Variants in SIGLEC10 observed in about 807,000 individuals in gnomAD.
SIGLEC10 encodes sialic acid binding Ig like lectin 10, also known as sialic acid-binding Ig-like lectin 10.
A neutral mutation model predicts 68.3 loss-of-function variants in SIGLEC10; 45 were observed. The observed-to-expected ratio is 0.66, with a 90% confidence interval of 0.52 to 0.84. The LOEUF (loss-of-function observed/expected upper bound fraction) is 0.84. SIGLEC10 is among the 40% of genes least tolerant of loss of function. The probability of loss-of-function intolerance (pLI) is 0.00; values close to 1 mark genes in which losing one functional copy is unlikely to be tolerated. For missense variants in SIGLEC10, 789 were observed against 883.1 expected (o/e 0.89, Z 1.35); for synonymous variants, 379 against 370.8 (o/e 1.02, Z -0.26).
chr19:51,413,281 G>A (rs1988186596), intron 10 of SIGLEC10, among the ~76,000 whole-genome samples: 7 of 152,158 alleles, frequency 4.6e-5, no homozygotes. Flanking sequence ...GAGGCACAGA[G>A]AAGTTAAGAC....
At position 51,414,832 on chromosome 19, in the gene SIGLEC10, T is replaced by G; in HGVS notation, c.1607A>C (p.Gln536Pro). 6.2e-7 allele frequency: 1 copy of G among 1,613,764 alleles called. No individual in the cohort carries two copies. The highest frequency in any genetic ancestry group is 8.5e-7 in the Non-Finnish European group (1 of 1,179,886). The part of the protein sequence containing the change: ...VHGAQSGSIL[Q>P]LPDKKGLIST... ...CCAGGCGGCCCCCTAACCTGGCAGCTGCAGGATGGATCCACTCTGGGCCCC... is the reference window on the plus strand; with the variant it reads ...CCAGGCGGCCCCCTAACCTGGCAGCGGCAGGATGGATCCACTCTGGGCCCC... Residue 536 changes from glutamine to proline, a missense_variant, in exon 8 of 11, where the codon CAG (glutamine) becomes CCG (proline). Gln to Pro is a moderately conservative substitution (Grantham distance 76). Transcript: ENST00000339313. The surrounding 1 kb of genome is among the most constrained non-coding windows in gnomAD (Gnocchi z 4.1).
In SIGLEC10 at chr19:51,414,024, A is replaced by G. The variant is rs1988268295; in HGVS notation, c.1710-201T>C. On this transcript the variant is annotated intron_variant, in intron 9 of 10. Coordinates refer to ENST00000339313, the MANE Select transcript of SIGLEC10 (RefSeq NM_033130.5). This position sits in a 1 kb window ranked among gnomAD's most constrained non-coding sequence, Gnocchi z 4.1. ...TATTTTAAAGGAAGGGGTCAGGGGA[A>G]GAAGAAGAGGGTTCCCTGCTACTAG... Among the ~76,000 whole-genome samples, 1 of 152,212 alleles carries G rather than the reference A, an allele frequency of 6.6e-6. No homozygotes were observed. Among genetic ancestry groups the G allele is most frequent in the Admixed American group, 6.5e-5 (1 of 15,282 alleles).
chr19:51,410,355 C>T lies in SIGLEC10; in HGVS notation c.*744G>A, dbSNP rs1987895710. ...TCAGCAAAGTCTTTATGACCTGTAT[C>T]TTGTACGGACCTCCTGTCTCATCCT... On this transcript the variant is annotated 3_prime_UTR_variant, in exon 11 of 11. Transcript: ENST00000339313. The T allele has an allele frequency of 6.6e-6, 1 of 152,336 alleles. No homozygotes were observed. Among genetic ancestry groups the T allele is most frequent in the East Asian group, 1.9e-4 (1 of 5,178 alleles). 9.4% of individuals were successfully genotyped at this position (152,336 alleles called of 1,614,324 possible). A position where few individuals can be genotyped will look rare whatever the true frequency, so the allele number is the denominator to read the frequency against.
Position 51,414,382 on chromosome 19 carries a change from G to T in SIGLEC10, c.1709+40C>A, listed in dbSNP as rs535039687. 22 of 1,566,228 alleles carry T rather than the reference G, an allele frequency of 1.4e-5. No homozygotes were observed. The African/African-American group carries it at 2.4e-4, about 17-fold the overall frequency. On this transcript the variant is annotated intron_variant, in intron 9 of 10. Coordinates refer to ENST00000339313, the MANE Select transcript of SIGLEC10 (RefSeq NM_033130.5). The surrounding 1 kb of genome is among the most constrained non-coding windows in gnomAD (Gnocchi z 4.1). ...CCTGCAACACCTCCCCTCTTCCTGG[G>T]TCCAGGCCCCAGACCCCGCCACGCC...
intron 4 of SIGLEC10, 62 bp downstream of exon 4, chr19:51,416,248 T>TC (rs1253986101): frequency 1.1e-5 from 17 of 1,611,456 alleles, no homozygotes; most frequent in Middle Eastern, 1.6e-4. Context: ...CATCCCCTCA[T>TC]CCCCTGAAGC....
rs1988772940 is a variant in SIGLEC10 at position 51,417,128 on chromosome 19, A to G, written c.375T>C (p.Tyr125=). Residue 125 remains tyrosine (Y), a synonymous_variant, in exon 2 of 11, where the codon TAT becomes TAC. Transcript: ENST00000339313. ...QYFFRVERGS[Y]VRYNFMNDGF... The stretch of plus-strand genomic sequence containing the variant: ...CATCGTTCATGAAATTATATCTCAC[A>G]TAGCTTCCTCTCTCCACCCGAAAGA... The G allele has an allele frequency of 6.2e-7, 1 of 1,614,082 alleles. No individual in the cohort carries two copies. Among genetic ancestry groups the G allele is most frequent in the Non-Finnish European group, 8.5e-7 (1 of 1,180,034 alleles).
chr19:51,416,023 G>T lies in SIGLEC10; in HGVS notation c.899C>A (p.Pro300His). 1 of 1,613,396 alleles carries T rather than the reference G, an allele frequency of 6.2e-7. No individual in the cohort carries two copies. Among genetic ancestry groups the T allele is most frequent in the Non-Finnish European group, 8.5e-7 (1 of 1,179,968 alleles). Residue 300 changes from proline to histidine, a missense_variant, in exon 5 of 11, where the codon CCC (proline) becomes CAC (histidine). Physicochemically the swap from Pro to His is moderately conservative, Grantham distance 77 (BLOSUM62 -2). Coordinates refer to ENST00000339313, the MANE Select transcript of SIGLEC10 (RefSeq NM_033130.5). The stretch of plus-strand genomic sequence containing the variant: ...CAGCCCCAGGGGTCTAGGGCCCCAG[G>T]GATGGGACGAGGAGAGGACTCTGTT... ...LQNRVLSSSH[P>H]WGPRPLGLEL...
chr19:51,416,827 C>T lies in SIGLEC10; in HGVS notation c.545G>A (p.Gly182Glu). ...GGTTCCTTGGGAGGAGAGGGCAGCC[C>T]CCGTCCAGGAGAAAGAAGGGGGTGG... Reference protein sequence around the residue: ...ECPPPSFSWTGAALSSQGTKP... With the variant: ...ECPPPSFSWTEAALSSQGTKP... Residue 182 changes from glycine (G) to glutamate (E), a missense_variant, in exon 3 of 11, where the codon GGG (glycine) becomes GAG (glutamate). Physicochemically the swap from Gly to Glu is moderately conservative, Grantham distance 98. Coordinates refer to ENST00000339313, the MANE Select transcript of SIGLEC10 (RefSeq NM_033130.5). The T allele has an allele frequency of 6.2e-7, 1 of 1,614,188 alleles. No homozygotes were observed. The highest frequency in any genetic ancestry group is 8.5e-7 in the Non-Finnish European group (1 of 1,180,040).
rs773300325 is a variant in SIGLEC10 at position 51,417,435 on chromosome 19, A to G, written c.68T>C (p.Ile23Thr). 2.5e-6 allele frequency: 4 copies of G among 1,613,784 alleles called. No individual in the cohort carries two copies. The Admixed American group carries it at 5.0e-5, about 20-fold the overall frequency. Residue 23 changes from isoleucine (I) to threonine (T), a missense_variant, in exon 2 of 11, where the codon ATA (isoleucine) becomes ACA (threonine). Physicochemically the swap from Ile to Thr is moderately conservative, Grantham distance 89. Transcript: ENST00000339313. ...GSQAMDGRFW[I>T]RVQESVMVPE... ...CACCATCACTGACTCCTGCACTCGT[A>G]TCCAGAATCTCCCATCCATAGCCTG...
chr19:51,417,518 G>T (rs1033035051), intron 1 of SIGLEC10, 27 bp downstream of exon 1: 1 of 1,614,202 alleles, frequency 6.2e-7, no homozygotes, highest in Non-Finnish European at 8.5e-7. Context: ...TCCGCCCCAG[G>T]TCCTTTCCGG....
At chr19:51,413,600 C>A in intron 10 of SIGLEC10, 112 bp downstream of exon 10, 1 of 912,914 alleles carries the variant, frequency 1.1e-6, no homozygotes. Context: ...GAATTCAGAA[C>A]TATCGGTGCT....
In SIGLEC10 at chr19:51,416,873, T is replaced by G. The variant is rs888133740; in HGVS notation, c.499A>C (p.Asn167His). 2 of 1,613,918 alleles carry G rather than the reference T, an allele frequency of 1.2e-6. No individual in the cohort carries two copies. The highest frequency in any genetic ancestry group is 2.7e-5 in the African/African-American group (2 of 74,864). ...GGTGGACATTCCTCAAAGGCCCAGT[T>G]AAACACACAGATGACCGTCACCGGC... ...GQPVTVICVF[N>H]WAFEECPPPS... The change falls in exon 3 of 11, where the codon AAC (asparagine) becomes CAC (histidine). Residue 167 changes from asparagine to histidine, a missense_variant. Transcript: ENST00000339313.
At chr19:51,413,896 G>T in intron 9 of SIGLEC10, 73 bp from the exon 10 acceptor site, 1 of 1,155,218 alleles carries the variant, frequency 8.7e-7, no homozygotes, top group South Asian at 1.2e-5. Context: ...TACTACCTGA[G>T]ACCGTCACTA....
Position 51,414,366 on chromosome 19 carries a change from C to T in SIGLEC10, c.1709+56G>A, listed in dbSNP as rs1476934721. 1.4e-6 allele frequency: 2 copies of T among 1,476,602 alleles called. No homozygotes were observed. Among genetic ancestry groups the T allele is most frequent in the East Asian group, 2.3e-5 (1 of 43,786 alleles). The allele number at this position is 1,476,602 out of a possible 1,614,324, so 91.5% of individuals were successfully genotyped here. A position where few individuals can be genotyped will look rare whatever the true frequency, so the allele number is the denominator to read the frequency against. On this transcript the variant is annotated intron_variant, in intron 9 of 10. Transcript: ENST00000339313. The surrounding 1 kb of genome is among the most constrained non-coding windows in gnomAD (Gnocchi z 4.1). ...ACCTTCACTCTTTCGGCCTGCAACA[C>T]CTCCCCTCTTCCTGGGTCCAGGCCC...
At position 51,417,272 on chromosome 19, in the gene SIGLEC10, G is replaced by A. The variant is rs1287779893; in HGVS notation, c.231C>T (p.His77=). 6 of 1,614,204 alleles carry A rather than the reference G, an allele frequency of 3.7e-6. No individual in the cohort carries two copies. The highest frequency in any genetic ancestry group is 5.1e-6 in the Non-Finnish European group (6 of 1,180,028). The change falls in exon 2 of 11, where the codon CAC becomes CAT. Residue 77 remains histidine, a synonymous_variant. Transcript: ENST00000339313. The stretch of plus-strand genomic sequence containing the variant: ...TGCTCATTTCCACCTCTCGACTCTG[G>A]TGGTTTGTGGCCACAGGAGCACCCT... ...TTKGAPVATN[H]QSREVEMSTR...
chr19:51,414,519 CA>C lies in SIGLEC10; in HGVS notation c.1616-5del, dbSNP rs1568496730. On this transcript the variant is annotated splice_region_variant and splice_polypyrimidine_tract_variant and intron_variant, in intron 8 of 10. Transcript: ENST00000339313. The surrounding 1 kb of genome is among the most constrained non-coding windows in gnomAD (Gnocchi z 4.1). ...GTTGAGATGAGTCCCTTCTTATCTG[CA>C]CACGGAGAGGGCAAGGTGAGCATTT... 4.3e-6 allele frequency: 7 copies of C among 1,613,220 alleles called. No homozygotes were observed. The highest frequency in any genetic ancestry group is 5.1e-6 in the Non-Finnish European group (6 of 1,179,434).
rs771436612 is a variant in SIGLEC10 at position 51,415,631 on chromosome 19, G to A, written c.1025-16C>T. ...TCTGGAGGATCTGAAATGGAGACAGGGGACCGGCTCTAGACGGACCAGGGG... is the reference window on the plus strand; with the variant it reads ...TCTGGAGGATCTGAAATGGAGACAGAGGACCGGCTCTAGACGGACCAGGGG... On this transcript the variant is annotated splice_polypyrimidine_tract_variant and intron_variant, in intron 5 of 10. Coordinates refer to ENST00000339313, the MANE Select transcript of SIGLEC10 (RefSeq NM_033130.5). 1.2e-6 allele frequency: 2 copies of A among 1,613,906 alleles called. No individual in the cohort carries two copies. The highest frequency in any genetic ancestry group is 8.5e-7 in the Non-Finnish European group (1 of 1,179,840).
intron 10 of SIGLEC10, 152 bp downstream of exon 10, chr19:51,413,560 C>T (rs1198911470): frequency 3.4e-5 from 22 of 653,144 alleles, no homozygotes; most frequent in Non-Finnish European, 5.1e-5. Flanking sequence ...TGGCTGAGGT[C>T]TCATAGCTAG....
chr19:51,417,163 ACT>A lies in SIGLEC10; in HGVS notation c.338_339del (p.Glu113ValfsTer16), dbSNP rs762540318. 2.5e-6 allele frequency: 4 copies of A among 1,613,888 alleles called. No individual in the cohort carries two copies. The highest frequency in any genetic ancestry group is 1.7e-5 in the Admixed American group (1 of 60,010). On this transcript the variant is annotated frameshift_variant, in exon 2 of 11. Coordinates refer to ENST00000339313, the MANE Select transcript of SIGLEC10 (RefSeq NM_033130.5). LOFTEE classifies it high-confidence loss of function. ...CTCTCCACCCGAAAGAAGTACTGTG[ACT>A]CATCCTGCATCTGCGCGTCTCTGAT... The part of the protein sequence containing the change: ...LVIRDAQMQD[E>X]SQYFFRVERG...
Sources: gnomAD v4.1 joint callset for allele counts (sites outside exome capture counted in the v4.1 genomes callset) on GRCh38, gnomAD v4.1.1 for gene constraint, Gnocchi (gnomAD v3.1) non-coding constraint, MANE v1.5 for transcripts, NCBI Gene and HGNC (gene_info 2026-07-23, HGNC 2026-07-21) for gene names.